Variants in MAMLD1 observed in about 807,000 individuals in gnomAD.
MAMLD1 encodes mastermind-like domain-containing protein 1.
A neutral mutation model predicts 45.0 loss-of-function variants in MAMLD1; 14 were observed. The ratio of observed to expected loss-of-function variants is 0.31; its 90% CI spans 0.21 to 0.49. MAMLD1 has a LOEUF of 0.49. Among genes scored for constraint, MAMLD1 ranks in the 20% least tolerant of loss-of-function variants. The pLI, the probability that MAMLD1 is intolerant of heterozygous loss-of-function variation, is 0.99. For synonymous variants in MAMLD1, 254 were observed against 247.8 expected (o/e 1.02, Z -0.24); for missense variants, 543 against 603.6 (o/e 0.90, Z 1.05).
intron 1 of MAMLD1, among the ~76,000 whole-genome samples, chrX:150,398,500 T>C (rs1367725181): frequency 9.0e-6 from 1 of 110,565 alleles, no homozygotes; most frequent in Non-Finnish European, 1.9e-5. Flanking sequence ...TCAGTGGGGG[T>C]TGCAGGGAAC....
At chrX:150,492,272 C>T (rs1433788489) in intron 5 of MAMLD1, among the ~76,000 whole-genome samples, 3 of 112,862 alleles carry the variant, frequency 2.7e-5, no homozygotes, top group African/African-American at 9.7e-5. Context: ...GGGCACAGCC[C>T]TGGAGGCTAA....
chrX:150,373,406 G>T (rs781933388), intron 1 of MAMLD1, among the ~76,000 whole-genome samples: 1 of 110,436 alleles, frequency 9.1e-6, no homozygotes, highest in Non-Finnish European at 1.9e-5. Flanking sequence ...AGTTGGCCAG[G>T]TTAGCCATTT....
intron 1 of MAMLD1, among the ~76,000 whole-genome samples, chrX:150,373,737 GA>G (rs782106613): frequency 1.0e-3 from 113 of 111,752 alleles, no homozygotes; most frequent in African/African-American, 3.5e-3. Context: ...ACCTTACCTA[GA>G]AAGATGCCAT....
intron 5 of MAMLD1, among the ~76,000 whole-genome samples, chrX:150,501,102 G>A (rs1260987062): frequency 9.0e-6 from 1 of 111,718 alleles, no homozygotes; most frequent in Non-Finnish European, 1.9e-5. Context: ...GAGGCACTGC[G>A]TATGTTATGC....
chrX:150,417,162 A>T (rs1367867831), intron 1 of MAMLD1, among the ~76,000 whole-genome samples: 2 of 105,398 alleles, frequency 1.9e-5, no homozygotes, highest in African/African-American at 3.5e-5. Context: ...CCTCCCCCCT[A>T]CCCCACCCCA....
At chrX:150,365,004 G>T (rs782340610) in intron 1 of MAMLD1, among the ~76,000 whole-genome samples, 40 of 112,183 alleles carry the variant, frequency 3.6e-4, no homozygotes, top group South Asian at 1.1e-3. Context: ...TGCACCCGCC[G>T]GGGCTTCCCG....
chrX:150,486,610 AC>A (rs1214313525), intron 5 of MAMLD1, among the ~76,000 whole-genome samples: 1 of 111,036 alleles, frequency 9.0e-6, no homozygotes, highest in African/African-American at 3.3e-5. Context: ...TCCCACGCAT[AC>A]ACCTCCCAAA....
At chrX:150,496,532 C>G (rs377429054) in intron 5 of MAMLD1, among the ~76,000 whole-genome samples, 1 of 112,382 alleles carries the variant, frequency 8.9e-6, no homozygotes, top group Non-Finnish European at 1.9e-5. Context: ...TACATGGTAG[C>G]TATTGTCATC....
chrX:150,470,500 G>A lies in MAMLD1; in HGVS notation c.927G>A (p.Ala309=), dbSNP rs782260093. ...GGCATCACGCCCACCAGCTGAAGGC[G>A]TTGGCAGCCAGCAAGCAGGGGTCTG... The part of the protein sequence containing the change: ...PQWHHAHQLK[A]LAASKQGSAT... The change falls in exon 4 of 8, where the codon GCG becomes GCA. Residue 309 remains alanine (A), a synonymous_variant. Transcript: ENST00000370401. 9.6e-5 allele frequency: 116 copies of A among 1,210,088 alleles called. No homozygotes were observed. The Middle Eastern group carries it at 2.1e-3, about 22-fold the overall frequency.
intron 1 of MAMLD1, among the ~76,000 whole-genome samples, chrX:150,441,449 G>A (rs2035313393): frequency 9.1e-6 from 1 of 109,607 alleles, no homozygotes; most frequent in Admixed American, 9.9e-5. Context: ...TATCATCTCA[G>A]CACAGCTTTA....
At chrX:150,422,504 G>A (rs2034552180) in intron 1 of MAMLD1, among the ~76,000 whole-genome samples, 1 of 111,936 alleles carries the variant, frequency 8.9e-6, no homozygotes, top group African/African-American at 3.3e-5. Flanking sequence ...CACCTCCCGG[G>A]GTTCAAGCAA....
chrX:150,464,472 T>C (rs781820301), intron 3 of MAMLD1, among the ~76,000 whole-genome samples: 17 of 112,409 alleles, frequency 1.5e-4, no homozygotes, highest in Non-Finnish European at 2.8e-4. Flanking sequence ...TACAGAAAGA[T>C]CAGTTTCAGT....
chrX:150,364,478 C>G (rs1557400632), intron 1 of MAMLD1, among the ~76,000 whole-genome samples: 1 of 112,953 alleles, frequency 8.9e-6, no homozygotes. Flanking sequence ...TCACTCCCGC[C>G]CCGCCGCGCT....
At chrX:150,501,611 T>C (rs2037555399) in intron 5 of MAMLD1, among the ~76,000 whole-genome samples, 3 of 112,433 alleles carry the variant, frequency 2.7e-5, no homozygotes, top group African/African-American at 9.7e-5. Context: ...TGGGTTTTCT[T>C]GACTTTGTTG....
At chrX:150,436,670 T>G (rs1443462383) in intron 1 of MAMLD1, among the ~76,000 whole-genome samples, 1 of 112,147 alleles carries the variant, frequency 8.9e-6, no homozygotes, top group Non-Finnish European at 1.9e-5. Context: ...GACTTTTTCC[T>G]GAATCTTGAT....
intron 5 of MAMLD1, among the ~76,000 whole-genome samples, chrX:150,496,459 A>G (rs2037381510): frequency 8.9e-6 from 1 of 112,109 alleles, no homozygotes; most frequent in Admixed American, 9.4e-5. Flanking sequence ...TGGGTATTGA[A>G]TGTTTCACTT....
chrX:150,495,635 C>T (rs1463047555), intron 5 of MAMLD1, among the ~76,000 whole-genome samples: 1 of 112,508 alleles, frequency 8.9e-6, no homozygotes, highest in Non-Finnish European at 1.9e-5. Flanking sequence ...AGGGTCAAGC[C>T]AGACCTCTTC....
intron 1 of MAMLD1, among the ~76,000 whole-genome samples, chrX:150,410,708 A>G (rs1382055230): frequency 8.9e-6 from 1 of 112,215 alleles, no homozygotes; most frequent in African/African-American, 3.2e-5. Flanking sequence ...TGCTATTATT[A>G]TCATCTCTCT....
At chrX:150,374,622 T>C (rs963232390) in intron 1 of MAMLD1, among the ~76,000 whole-genome samples, 5 of 112,208 alleles carry the variant, frequency 4.5e-5, no homozygotes, top group Non-Finnish European at 9.4e-5. Flanking sequence ...CAAACTGGCA[T>C]TAAAGAGACT....
Sources: allele counts gnomAD v4.1 joint callset (sites outside exome capture counted in the v4.1 genomes callset), GRCh38; gene constraint gnomAD v4.1.1; transcripts MANE v1.5; gene names NCBI Gene and HGNC (gene_info 2026-07-23, HGNC 2026-07-21).